The following NFATC2 variants were observed in gnomAD, a reference collection of about 807,000 sequenced individuals.
The protein encoded by NFATC2 is nuclear factor of activated T cells 2, also known as nuclear factor of activated T-cells, cytoplasmic 2.
NFATC2 carries 22 observed loss-of-function variants against 87.3 expected under a neutral mutation model. That is an observed-to-expected ratio of 0.25 (90% CI 0.18 to 0.36). The LOEUF (loss-of-function observed/expected upper bound fraction) is 0.36. NFATC2 is among the 10% of genes least tolerant of loss of function. The pLI is 1.00. For synonymous variants in NFATC2, 565 were observed against 542.2 expected, an observed-to-expected ratio of 1.04 and a Z score of -0.58; for missense variants, 1,149 against 1,259.1, an observed-to-expected ratio of 0.91 and a Z score of 1.32.
Position 51,391,416 on chromosome 20 carries a change from G to T in NFATC2, c.*80C>A, listed in dbSNP as rs921124841. 8.0e-6 allele frequency: 12 copies of T among 1,507,264 alleles called. No individual in the cohort carries two copies. Among genetic ancestry groups the T allele is most frequent in the Non-Finnish European group, 9.9e-6 (11 of 1,114,970 alleles). 93.4% of individuals were successfully genotyped at this position (1,507,264 alleles called of 1,614,324 possible). ...TTCTTTTACGTCTGATTTCTGGCAGGAGGTCCTGAAAACTCCTTCCTGATA... is the reference window on the plus strand; with the variant it reads ...TTCTTTTACGTCTGATTTCTGGCAGTAGGTCCTGAAAACTCCTTCCTGATA... On this transcript the variant is annotated 3_prime_UTR_variant, in exon 11 of 11. Coordinates refer to ENST00000371564, the MANE Select transcript of NFATC2 (RefSeq NM_012340.5).
At chr20:51,392,259 G>A (rs970586614) in intron 10 of NFATC2, among the ~76,000 whole-genome samples, 1 of 152,318 alleles carries the variant, frequency 6.6e-6, no homozygotes, top group African/African-American at 2.4e-5. Context: ...CATAAACATA[G>A]TTTCCATTTC....
At chr20:51,394,258 AG>A (rs1027645842) in intron 10 of NFATC2, among the ~76,000 whole-genome samples, 1 of 151,974 alleles carries the variant, frequency 6.6e-6, no homozygotes, top group Non-Finnish European at 1.5e-5. Context: ...AAGTTCTGAG[AG>A]GGGGGTCTCT....
intron 9 of NFATC2, among the ~76,000 whole-genome samples, chr20:51,431,834 G>A (rs1982759398): frequency 6.6e-6 from 1 of 152,080 alleles, no homozygotes; most frequent in Admixed American, 6.5e-5. Flanking sequence ...CGATTCTGGA[G>A]GGGGGCATCT....
At chr20:51,504,115 C>T (rs916119373) in intron 3 of NFATC2, among the ~76,000 whole-genome samples, 5 of 152,184 alleles carry the variant, frequency 3.3e-5, no homozygotes, top group South Asian at 2.1e-4. Flanking sequence ...CTCCGCCTCC[C>T]GGGTTCAAGC....
chr20:51,481,758 T>G (rs912125678), intron 3 of NFATC2, among the ~76,000 whole-genome samples: 5 of 152,074 alleles, frequency 3.3e-5, no homozygotes, highest in African/African-American at 1.2e-4. Flanking sequence ...ACTCAGCTAC[T>G]TGAAAAACCG....
At chr20:51,486,080 G>A (rs562576036) in intron 3 of NFATC2, among the ~76,000 whole-genome samples, 2 of 152,110 alleles carry the variant, frequency 1.3e-5, no homozygotes, top group African/African-American at 2.4e-5. Context: ...GCGTGGTGGC[G>A]TGCACCTGTA....
In NFATC2 at chr20:51,523,512, G is replaced by C. The variant is rs1347254801; in HGVS notation, c.729C>G (p.Ser243=). ...GRHSPVPRPA[S]RSSSPGAKRR... ...GCTTGGCACCAGGCGATGAGGAGCG[G>C]GAGGCCGGACGGGGCACGGGCGAGT... is the stretch of plus-strand genomic sequence containing the variant. The change falls in exon 2 of 11, where the codon TCC becomes TCG. Residue 243 remains serine (S), a synonymous_variant. Transcript: ENST00000371564. This position sits in a 1 kb window ranked among gnomAD's most constrained non-coding sequence, Gnocchi z 6.9. 34 of 1,613,248 alleles carry C rather than the reference G, an allele frequency of 2.1e-5. No homozygotes were observed. The highest frequency in any genetic ancestry group is 2.9e-5 in the Non-Finnish European group (34 of 1,179,618).
At chr20:51,410,255 A>G (rs1979021645) in intron 9 of NFATC2, among the ~76,000 whole-genome samples, 1 of 151,748 alleles carries the variant, frequency 6.6e-6, no homozygotes, top group Non-Finnish European at 1.5e-5. Flanking sequence ...TTTATGAGAC[A>G]ATTGAGAATT....
rs887245958 is a variant in NFATC2, at chr20:51,477,266, G to T, written c.1333-1606C>A. Among the ~76,000 whole-genome samples the T allele has an allele frequency of 2.0e-5, 3 of 151,862 alleles. No homozygotes were observed. In the South Asian group the frequency reaches 6.2e-4, roughly 32 times the overall value. ...TGTTGAAAAACAAAAGCAATGTGTAGAAAAATACATACAGCATGATACAAC... is the reference window on the plus strand; with the variant it reads ...TGTTGAAAAACAAAAGCAATGTGTATAAAAATACATACAGCATGATACAAC... On this transcript the variant is annotated intron_variant, in intron 3 of 10. Coordinates refer to ENST00000371564, the MANE Select transcript of NFATC2 (RefSeq NM_012340.5).
chr20:51,539,416 G>A (rs1433485770), intron 1 of NFATC2, among the ~76,000 whole-genome samples: 1 of 152,172 alleles, frequency 6.6e-6, no homozygotes, highest in Non-Finnish European at 1.5e-5. Flanking sequence ...GGGTGACCCA[G>A]AGCCAGATGC....
At chr20:51,444,850 C>T (rs530269256) in intron 6 of NFATC2, among the ~76,000 whole-genome samples, 1 of 152,042 alleles carries the variant, frequency 6.6e-6, no homozygotes, top group African/African-American at 2.4e-5. Context: ...CAGGAATGGC[C>T]CCCCCAGCTT....
intron 5 of NFATC2, among the ~76,000 whole-genome samples, chr20:51,467,028 C>A (rs189229039): frequency 2.7e-5 from 4 of 146,386 alleles, no homozygotes; most frequent in African/African-American, 1.0e-4. Context: ...GCCAAGACTG[C>A]GCCATTGCAC....
upstream of NFATC2, among the ~76,000 whole-genome samples, chr20:51,543,578 CGAG>C (rs1294529354): frequency 2.0e-5 from 3 of 152,112 alleles, no homozygotes; most frequent in African/African-American, 4.8e-5. Flanking sequence ...GGAGGGAGAA[CGAG>C]GAGTACAGTT....
chr20:51,468,505 G>A (rs770232920), intron 5 of NFATC2, among the ~76,000 whole-genome samples: 1 of 152,190 alleles, frequency 6.6e-6, no homozygotes, highest in Non-Finnish European at 1.5e-5. Flanking sequence ...TGAAATACAC[G>A]GAGCAGAGAG....
At chr20:51,561,374 GAGAAAAGAAAGAAAGAAAGAGAGAGAA>G (rs1568765078) in intron 1 of NFATC2, among the ~76,000 whole-genome samples, 3 of 136,836 alleles carry the variant, frequency 2.2e-5, no homozygotes, top group East Asian at 2.2e-4. Flanking sequence ...AAGAAAGAGA[GAGAAAAGAAAGAAAGAAAGAGAGAGAA>G]AGAAAAGAAA....
rs533882776 is a variant in NFATC2 at position 51,550,875 on chromosome 20, C to T, written c.70+11685G>A. ...TGAACTCATATCGCTTTCACACCAT[C>T]GTAAAGAAAGCCTAAGTCAAACATC... On this transcript the variant is annotated intron_variant, in intron 1 of 10. Transcript: ENST00000414705. Among the ~76,000 whole-genome samples, 22 of 152,294 alleles carry T rather than the reference C, an allele frequency of 1.4e-4. No homozygotes were observed. The East Asian group carries it at 2.3e-3, about 16-fold the overall frequency.
chr20:51,529,221 TGC>T (rs1473052991), intron 1 of NFATC2, among the ~76,000 whole-genome samples: 9 of 152,182 alleles, frequency 5.9e-5, no homozygotes, highest in African/African-American at 1.9e-4. Context: ...GGGGCTGATG[TGC>T]ACAGTCCACA....
intron 5 of NFATC2, among the ~76,000 whole-genome samples, chr20:51,465,932 A>G (rs1200179004): frequency 6.6e-6 from 1 of 152,162 alleles, no homozygotes; most frequent in African/African-American, 2.4e-5. Flanking sequence ...GAAAGAATAA[A>G]TATTGGGAAG....
At chr20:51,474,256 A>G in intron 4 of NFATC2, 104 bp from the exon 5 acceptor site, 6 of 1,343,118 alleles carry the variant, frequency 4.5e-6, no homozygotes, top group Non-Finnish European at 6.2e-6. Flanking sequence ...GGAAACTGCA[A>G]TACACTCACA....
Sources: allele counts gnomAD v4.1 joint callset (sites outside exome capture counted in the v4.1 genomes callset), GRCh38; gene constraint gnomAD v4.1.1; non-coding constraint Gnocchi (gnomAD v3.1); transcripts MANE v1.5; gene names NCBI Gene and HGNC (gene_info 2026-07-23, HGNC 2026-07-21).